The following AFF2 variants were observed in gnomAD, a reference collection of about 807,000 sequenced individuals.
AFF2 encodes ALF transcription elongation factor 2.
In AFF2, 14 loss-of-function variants were observed where a neutral mutation model predicts 76.9. The ratio of observed to expected loss-of-function variants is 0.18; its 90% confidence interval spans 0.12 to 0.28. AFF2 has a LOEUF of 0.28. AFF2 is among the 10% of genes least tolerant of loss of function. The probability of loss-of-function intolerance (pLI) is 1.00; values close to 1 mark genes in which losing one functional copy is unlikely to be tolerated. For missense variants in AFF2, 868 were observed against 1,001.1 expected (o/e 0.87, Z 1.79); for synonymous variants, 398 against 366.7 (o/e 1.09, Z -0.98).
At chrX:148,906,763 T>C (rs2071411466) in intron 9 of AFF2, among the ~76,000 whole-genome samples, 1 of 111,691 alleles carries the variant, frequency 9.0e-6, no homozygotes, top group African/African-American at 3.3e-5. Flanking sequence ...GCTGAGCTTT[T>C]GCTCGCCGTC....
intron 3 of AFF2, among the ~76,000 whole-genome samples, chrX:148,711,084 G>A (rs1474232425): frequency 7.2e-5 from 8 of 111,599 alleles, no homozygotes; most frequent in Non-Finnish European, 1.5e-4. Flanking sequence ...TGCTTAATTT[G>A]CCAAGTATAG....
chrX:148,893,653 G>T (rs1202609352), intron 8 of AFF2, among the ~76,000 whole-genome samples: 2 of 111,948 alleles, frequency 1.8e-5, no homozygotes, highest in African/African-American at 6.5e-5. Context: ...TATGTTGTTT[G>T]CCCCAAGATC....
At chrX:148,645,927 C>A (rs1557255282) in intron 1 of AFF2, among the ~76,000 whole-genome samples, 1 of 111,636 alleles carries the variant, frequency 9.0e-6, no homozygotes, top group East Asian at 2.8e-4. Flanking sequence ...CAGGAATATC[C>A]ATACAGTGGA....
chrX:148,875,306 A>G (rs2071023801), intron 7 of AFF2, among the ~76,000 whole-genome samples: 2 of 112,508 alleles, frequency 1.8e-5, no homozygotes, highest in African/African-American at 6.4e-5. Flanking sequence ...GTGAATATCA[A>G]TAAAAAGGTG....
chrX:148,686,322 C>T (rs1473383464), intron 3 of AFF2, among the ~76,000 whole-genome samples: 1 of 111,483 alleles, frequency 9.0e-6, no homozygotes, highest in Non-Finnish European at 1.9e-5. Flanking sequence ...GAGAGAGATG[C>T]CGTAATTGAC....
At chrX:148,629,829 A>G (rs1557252764) in intron 1 of AFF2, among the ~76,000 whole-genome samples, 1 of 111,753 alleles carries the variant, frequency 8.9e-6, no homozygotes, top group Non-Finnish European at 1.9e-5. Context: ...CAGTGGGCCA[A>G]GTAAAGCTTG....
chrX:148,856,531 C>T (rs918398560), intron 7 of AFF2, among the ~76,000 whole-genome samples: 5 of 111,174 alleles, frequency 4.5e-5, no homozygotes, highest in African/African-American at 1.6e-4. Context: ...TCTCAGAGTC[C>T]ACCTGGACTT....
chrX:148,926,864 C>A (rs1265026020), intron 9 of AFF2, among the ~76,000 whole-genome samples: 1 of 111,896 alleles, frequency 8.9e-6, no homozygotes, highest in Non-Finnish European at 1.9e-5. Flanking sequence ...GCCTCAGTGT[C>A]ACATGGAAAA....
At chrX:148,982,046 G>A (rs1704273342) in intron 19 of AFF2, among the ~76,000 whole-genome samples, 2 of 111,926 alleles carry the variant, frequency 1.8e-5, no homozygotes, top group Non-Finnish European at 3.8e-5. Flanking sequence ...ACCGGAGAAA[G>A]GCCCAGCTCT....
In AFF2 at chrX:148,500,972, T is replaced by A. The variant is rs2052340733; in HGVS notation, c.-126T>A. Reference sequence around the variant, plus strand: ...GCTGCTGCCGATGCGGCCCGGACACTTTTAGCTGGGCGGGAGGGCTGGAGA... The same window carrying A: ...GCTGCTGCCGATGCGGCCCGGACACATTTAGCTGGGCGGGAGGGCTGGAGA... On this transcript the variant is annotated 5_prime_UTR_variant, in exon 1 of 21. Coordinates refer to ENST00000370460, the MANE Select transcript of AFF2 (RefSeq NM_002025.4). The A allele has an allele frequency of 1.1e-6, 1 of 878,855 alleles. No homozygotes were observed. Among genetic ancestry groups the A allele is most frequent in the South Asian group, 2.5e-5 (1 of 39,539 alleles). 72.4% of individuals were successfully genotyped at this position (878,855 alleles called of 1,213,427 possible).
chrX:148,847,511 A>G (rs2070681579), intron 7 of AFF2, among the ~76,000 whole-genome samples: 1 of 111,986 alleles, frequency 8.9e-6, no homozygotes, highest in Non-Finnish European at 1.9e-5. Context: ...GTTTCCATAA[A>G]ATCTTAATAT....
chrX:148,633,742 G>A (rs1350578373), intron 1 of AFF2, among the ~76,000 whole-genome samples: 1 of 112,498 alleles, frequency 8.9e-6, no homozygotes, highest in Non-Finnish European at 1.9e-5. Context: ...CACATAGACT[G>A]GATTGCTTGC....
At chrX:148,571,053 AT>A (rs782813424) in intron 1 of AFF2, among the ~76,000 whole-genome samples, 1 of 111,535 alleles carries the variant, frequency 9.0e-6, no homozygotes, top group Admixed American at 9.5e-5. Context: ...ACTTAAACAT[AT>A]TTTTTTGGAG....
chrX:148,852,971 A>G (rs1166969915), intron 7 of AFF2, among the ~76,000 whole-genome samples: 5 of 111,560 alleles, frequency 4.5e-5, no homozygotes, highest in African/African-American at 1.6e-4. Context: ...GATTTTATGG[A>G]GAAGGAAATT....
Position 148,967,014 on chromosome X carries a change from G to A in AFF2, c.3138G>A (p.Ala1046=), listed in dbSNP as rs974621684. 32 of 1,209,400 alleles carry A rather than the reference G, an allele frequency of 2.6e-5. No individual in the cohort carries two copies. In the Middle Eastern group the frequency reaches 6.9e-4, roughly 26 times the overall value. The part of the protein sequence containing the change: ...DSSHLEMTSW[A]ALPLLSSSST... ...GTCACCTGGAGATGACGTCCTGGGC[G>A]GCTCTGCCCCTTCTATCCAGCAGCA... Residue 1046 remains alanine, a synonymous_variant, in exon 14 of 21, where the codon GCG becomes GCA. Transcript: ENST00000370460.
intron 3 of AFF2, among the ~76,000 whole-genome samples, chrX:148,779,679 A>G (rs1557268901): frequency 8.9e-6 from 1 of 111,783 alleles, no homozygotes. Flanking sequence ...CAGCACACCA[A>G]TGCGTCTTGG....
intron 8 of AFF2, among the ~76,000 whole-genome samples, chrX:148,894,512 G>A (rs1401914570): frequency 4.5e-5 from 5 of 111,541 alleles, no homozygotes; most frequent in Non-Finnish European, 9.4e-5. Flanking sequence ...GTGGATGGGC[G>A]GAAAAAAGAA....
chrX:148,909,207 C>A (rs2071442691), intron 9 of AFF2, among the ~76,000 whole-genome samples: 1 of 112,213 alleles, frequency 8.9e-6, no homozygotes, highest in Non-Finnish European at 1.9e-5. Context: ...CTTTGAAAAT[C>A]ATATGGATAT....
chrX:148,618,840 C>T (rs1325380606), intron 1 of AFF2, among the ~76,000 whole-genome samples: 1 of 110,842 alleles, frequency 9.0e-6, no homozygotes, highest in Non-Finnish European at 1.9e-5. Flanking sequence ...AAAATGGATG[C>T]CTACTGAACA....
Sources: allele counts gnomAD v4.1 joint callset (sites outside exome capture counted in the v4.1 genomes callset), GRCh38; gene constraint gnomAD v4.1.1; transcripts MANE v1.5; gene names NCBI Gene and HGNC (gene_info 2026-07-23, HGNC 2026-07-21).